Variants in CASK observed in about 807,000 individuals in gnomAD.
CASK encodes peripheral plasma membrane protein CASK.
Under a neutral mutation model 82.9 loss-of-function variants are expected in CASK, and 4 were observed. The ratio of observed to expected loss-of-function variants is 0.05; its 90% CI spans 0.02 to 0.11. The LOEUF is 0.11. CASK is among the 10% of genes least tolerant of loss of function. CASK has a pLI of 1.00. For missense variants in CASK, 358 were observed against 720.9 expected (o/e 0.50, Z 5.76); for synonymous variants, 259 against 253.5 (o/e 1.02, Z -0.20).
intron 5 of CASK, among the ~76,000 whole-genome samples, chrX:41,722,144 T>G (rs1166395440): frequency 8.9e-6 from 1 of 112,541 alleles, no homozygotes; most frequent in African/African-American, 3.2e-5. Flanking sequence ...CTTACACCTA[T>G]CCAGGTATGC....
At chrX:41,764,705 C>T (rs1170347035) in intron 3 of CASK, among the ~76,000 whole-genome samples, 1 of 111,850 alleles carries the variant, frequency 8.9e-6, no homozygotes, top group Non-Finnish European at 1.9e-5. Flanking sequence ...TGACACTGAT[C>T]TATCCTAGCC....
intron 12 of CASK, among the ~76,000 whole-genome samples, chrX:41,592,256 G>GA (rs993706390): frequency 3.7e-5 from 4 of 107,947 alleles, no homozygotes; most frequent in African/African-American, 1.4e-4. Flanking sequence ...ACCTGTTTGA[G>GA]AAAAAAAGCA....
chrX:41,750,144 T>C (rs2068762994), intron 3 of CASK, among the ~76,000 whole-genome samples: 2 of 112,175 alleles, frequency 1.8e-5, no homozygotes, highest in Non-Finnish European at 3.8e-5. Flanking sequence ...TGATTATTTA[T>C]AATATTAATT....
At chrX:41,881,855 G>C (rs1220929776) in intron 1 of CASK, among the ~76,000 whole-genome samples, 4 of 111,369 alleles carry the variant, frequency 3.6e-5, no homozygotes, top group African/African-American at 1.3e-4. Flanking sequence ...ATTATAGCAA[G>C]GTAGCTACAC....
chrX:41,805,929 C>T (rs1225286598), intron 2 of CASK, among the ~76,000 whole-genome samples: 1 of 111,541 alleles, frequency 9.0e-6, no homozygotes, highest in African/African-American at 3.3e-5. Flanking sequence ...ATACCCACTC[C>T]CGTGACAAAG....
chrX:41,598,009 C>T (rs1410334892), intron 12 of CASK, among the ~76,000 whole-genome samples: 1 of 109,528 alleles, frequency 9.1e-6, no homozygotes, highest in African/African-American at 3.3e-5. Context: ...TGTGGTGGCG[C>T]ACTCCTGTAA....
intron 5 of CASK, among the ~76,000 whole-genome samples, chrX:41,738,992 C>A: frequency 8.9e-6 from 1 of 112,136 alleles, no homozygotes; most frequent in East Asian, 2.8e-4. Flanking sequence ...GCTGACTATT[C>A]TGCATTGCAA....
chrX:41,846,162 G>A (rs984846077), intron 2 of CASK, among the ~76,000 whole-genome samples: 2 of 111,275 alleles, frequency 1.8e-5, no homozygotes, highest in African/African-American at 6.5e-5. Context: ...GCCAAGACTT[G>A]GAATCAACCT....
intron 16 of CASK, among the ~76,000 whole-genome samples, chrX:41,567,404 G>C (rs1450037671): frequency 9.0e-5 from 10 of 111,482 alleles, no homozygotes; most frequent in African/African-American, 2.9e-4. Context: ...AAAAAACAAA[G>C]AACCCCATCA....
intron 21 of CASK, among the ~76,000 whole-genome samples, chrX:41,544,582 A>C (rs914933435): frequency 7.4e-5 from 8 of 108,725 alleles, no homozygotes; most frequent in African/African-American, 1.0e-4. Flanking sequence ...AAAAAAAAAA[A>C]AAAACAAAAA....
At chrX:41,596,820 C>A (rs2065828626) in intron 12 of CASK, among the ~76,000 whole-genome samples, 1 of 112,067 alleles carries the variant, frequency 8.9e-6, no homozygotes, top group South Asian at 3.7e-4. Flanking sequence ...GATATGACCA[C>A]ACATACCTAC....
intron 5 of CASK, among the ~76,000 whole-genome samples, chrX:41,713,227 T>C (rs1320308821): frequency 1.8e-5 from 2 of 111,830 alleles, no homozygotes; most frequent in African/African-American, 6.5e-5. Flanking sequence ...CTGGAGGGTA[T>C]ACTGTGAAGG....
At chrX:41,626,960 A>G (rs2066388534) in intron 9 of CASK, among the ~76,000 whole-genome samples, 1 of 112,097 alleles carries the variant, frequency 8.9e-6, no homozygotes, top group South Asian at 3.7e-4. Flanking sequence ...GTAACACAGG[A>G]TGGAATATTC....
At chrX:41,795,663 C>G (rs181092727) in intron 2 of CASK, among the ~76,000 whole-genome samples, 100 of 109,301 alleles carry the variant, frequency 9.1e-4, no homozygotes, top group African/African-American at 3.1e-3. Flanking sequence ...GAGATCCTGT[C>G]TAAAAATAAA....
At chrX:41,841,213 T>C (rs2071031166) in intron 2 of CASK, among the ~76,000 whole-genome samples, 1 of 111,803 alleles carries the variant, frequency 8.9e-6, no homozygotes, top group African/African-American at 3.2e-5. Context: ...GCTGTTGTTT[T>C]TTGTTTTGTT....
chrX:41,616,096 G>C (rs1027055544), intron 11 of CASK, among the ~76,000 whole-genome samples: 2 of 112,041 alleles, frequency 1.8e-5, no homozygotes, highest in Non-Finnish European at 3.8e-5. Context: ...GTTGGTCTGT[G>C]AACTTCCCAA....
At chrX:41,691,034 A>G (rs930474851) in intron 5 of CASK, among the ~76,000 whole-genome samples, 2 of 112,120 alleles carry the variant, frequency 1.8e-5, no homozygotes, top group African/African-American at 6.5e-5. Context: ...AATGATGGCC[A>G]CTATTATAAC....
chrX:41,903,540 C>T (rs1036675929), intron 1 of CASK, among the ~76,000 whole-genome samples: 1 of 111,966 alleles, frequency 8.9e-6, no homozygotes, highest in Non-Finnish European at 1.9e-5. Flanking sequence ...CAGTACCTAC[C>T]ACAGGCATTT....
At chrX:41,606,877 G>A (rs2065971753) in intron 12 of CASK, among the ~76,000 whole-genome samples, 1 of 109,832 alleles carries the variant, frequency 9.1e-6, no homozygotes, top group South Asian at 3.9e-4. Context: ...ATTTTTTGTA[G>A]AGATGGGGTC....
Sources: allele counts gnomAD v4.1 joint callset (sites outside exome capture counted in the v4.1 genomes callset), GRCh38; gene constraint gnomAD v4.1.1; transcripts MANE v1.5; gene names NCBI Gene and HGNC (gene_info 2026-07-23, HGNC 2026-07-21).